SH3BGRL2: variants seen among roughly 807,000 people sequenced by gnomAD.
SH3BGRL2 encodes SH3 domain binding glutamate rich protein like 2.
SH3BGRL2 carries 21 observed loss-of-function variants against 14.8 expected under a neutral mutation model. That is an observed-to-expected ratio of 1.42 (90% CI 1.01 to 2.05). SH3BGRL2 has a LOEUF of 2.05. SH3BGRL2 is among the 30% of genes most tolerant of loss of function. The probability of loss-of-function intolerance (pLI) is 0.00; values close to 1 mark genes in which losing one functional copy is unlikely to be tolerated. For missense variants in SH3BGRL2, 147 were observed against 130.8 expected (o/e 1.12, Z -0.61); for synonymous variants, 50 against 47.8 (o/e 1.05, Z -0.19).
At chr6:79,659,288 T>A (rs1180998489) in intron 1 of SH3BGRL2, among the ~76,000 whole-genome samples, 1 of 152,250 alleles carries the variant, frequency 6.6e-6, no homozygotes, top group Non-Finnish European at 1.5e-5. Flanking sequence ...ATTTAAATAC[T>A]TAATCCATCT....
intron 1 of SH3BGRL2, among the ~76,000 whole-genome samples, chr6:79,635,236 C>T (rs1228952377): frequency 6.6e-6 from 1 of 152,176 alleles, no homozygotes; most frequent in Admixed American, 6.5e-5. Flanking sequence ...AGTTCCTGGG[C>T]TCTGTTAGAG....
At chr6:79,588,413 TAACTCCC>T in the SH3BGRL2 span, among the ~76,000 whole-genome samples, 1 of 152,158 alleles carries the variant, frequency 6.6e-6, no homozygotes. Flanking sequence ...ATCTTGCTGT[TAACTCCC>T]CATCTCAGGT....
chr6:79,581,636 A>G, the SH3BGRL2 span, among the ~76,000 whole-genome samples: 1 of 152,212 alleles, frequency 6.6e-6, no homozygotes, highest in Non-Finnish European at 1.5e-5. Flanking sequence ...GATGGAACAT[A>G]TCTCAAAATA....
Position 79,703,200 on chromosome 6 carries a change from G to A in SH3BGRL2, c.*3691G>A, listed in dbSNP as rs1278810156. On this transcript the variant is annotated 3_prime_UTR_variant, in exon 4 of 4. Transcript: ENST00000369838. ...CTAAAATGTGGTAAGTGTTGTCAGAGCAGGGCAATATCTCTACTCTCAAGT... is the reference window on the plus strand; with the variant it reads ...CTAAAATGTGGTAAGTGTTGTCAGAACAGGGCAATATCTCTACTCTCAAGT... The A allele has an allele frequency of 1.3e-5, 2 of 152,186 alleles. No homozygotes were observed. Among genetic ancestry groups the A allele is most frequent in the Non-Finnish European group, 1.5e-5 (1 of 68,044 alleles). The allele number at this position is 152,186 out of a possible 1,614,324, so 9.4% of individuals were successfully genotyped here. A position where few individuals can be genotyped will look rare whatever the true frequency, so the allele number is the denominator to read the frequency against.
chr6:79,670,442 A>G (rs55895648), intron 1 of SH3BGRL2, among the ~76,000 whole-genome samples: 18,171 of 152,264 alleles, frequency 0.12, 1,238 homozygotes, highest in Non-Finnish European at 0.15. Context: ...CTATGGAGTA[A>G]ATTAAGAAAA....
the SH3BGRL2 span, among the ~76,000 whole-genome samples, chr6:79,583,798 T>TA: frequency 6.6e-6 from 1 of 152,200 alleles, no homozygotes; most frequent in Non-Finnish European, 1.5e-5. Flanking sequence ...TCCATTTTTT[T>TA]AAAAAAGTGG....
chr6:79,570,847 CTG>C, the SH3BGRL2 span, among the ~76,000 whole-genome samples: 1 of 152,166 alleles, frequency 6.6e-6, no homozygotes, highest in Non-Finnish European at 1.5e-5. Flanking sequence ...CTCAAGCACT[CTG>C]TTTTATTTGC....
intron 3 of SH3BGRL2, among the ~76,000 whole-genome samples, chr6:79,698,643 C>T (rs1470776163): frequency 2.0e-5 from 3 of 151,952 alleles, no homozygotes; most frequent in African/African-American, 7.3e-5. Flanking sequence ...TTAGAGGTCT[C>T]TAGATGGTGG....
chr6:79,590,168 T>C, the SH3BGRL2 span, among the ~76,000 whole-genome samples: 1 of 151,852 alleles, frequency 6.6e-6, no homozygotes, highest in African/African-American at 2.4e-5. Flanking sequence ...CTGGCGAGGC[T>C]GTGGAGAAAA....
the SH3BGRL2 span, among the ~76,000 whole-genome samples, chr6:79,557,932 G>A: frequency 6.6e-6 from 1 of 152,194 alleles, no homozygotes; most frequent in African/African-American, 2.4e-5. Context: ...TTATTATTTT[G>A]AACCTCACTG....
chr6:79,585,053 T>TA, the SH3BGRL2 span, among the ~76,000 whole-genome samples: 4,198 of 137,106 alleles, frequency 0.031, 100 homozygotes, highest in Middle Eastern at 0.12. Flanking sequence ...CCTTTTTTTT[T>TA]TAAAAAAAAA....
the SH3BGRL2 span, among the ~76,000 whole-genome samples, chr6:79,584,396 A>C: frequency 2.0e-5 from 3 of 152,122 alleles, no homozygotes; most frequent in African/African-American, 4.8e-5. Flanking sequence ...GATTATTTTA[A>C]TTGTTATTTT....
upstream of SH3BGRL2, among the ~76,000 whole-genome samples, chr6:79,629,818 G>T (rs191174856): frequency 5.1e-4 from 78 of 152,280 alleles, no homozygotes; most frequent in South Asian, 5.2e-3. Flanking sequence ...ACAGAGAAAT[G>T]ACTCGTTCAA....
the SH3BGRL2 span, among the ~76,000 whole-genome samples, chr6:79,577,985 G>A: frequency 3.3e-5 from 5 of 152,244 alleles, no homozygotes; most frequent in African/African-American, 1.2e-4. Context: ...GCCTGGACCG[G>A]TGGGTCCCAG....
At chr6:79,652,791 A>G (rs968741557) in intron 1 of SH3BGRL2, among the ~76,000 whole-genome samples, 1 of 152,130 alleles carries the variant, frequency 6.6e-6, no homozygotes, top group Non-Finnish European at 1.5e-5. Flanking sequence ...ATGTAACACT[A>G]TGTAACGTTC....
At chr6:79,560,479 T>C in the SH3BGRL2 span, among the ~76,000 whole-genome samples, 3 of 152,108 alleles carry the variant, frequency 2.0e-5, no homozygotes, top group African/African-American at 7.2e-5. Context: ...AGTTGGAGGT[T>C]GTAATGTATT....
At chr6:79,545,191 C>G in the SH3BGRL2 span, among the ~76,000 whole-genome samples, 1 of 152,318 alleles carries the variant, frequency 6.6e-6, no homozygotes, top group Middle Eastern at 3.4e-3. Context: ...GAGAGTTCCT[C>G]CCCTTCTCTG....
chr6:79,613,817 A>G, the SH3BGRL2 span, among the ~76,000 whole-genome samples: 1 of 152,158 alleles, frequency 6.6e-6, no homozygotes, highest in Admixed American at 6.5e-5. Context: ...CATGTTGGCC[A>G]GGCTGGTCTT....
the SH3BGRL2 span, among the ~76,000 whole-genome samples, chr6:79,613,040 G>A: frequency 6.6e-6 from 1 of 152,154 alleles, no homozygotes; most frequent in Non-Finnish European, 1.5e-5. Flanking sequence ...GGGGCCCTTG[G>A]GTTGTCCACT....
Sources: gnomAD v4.1 joint callset for allele counts (sites outside exome capture counted in the v4.1 genomes callset) on GRCh38, gnomAD v4.1.1 for gene constraint, MANE v1.5 for transcripts, NCBI Gene and HGNC (gene_info 2026-07-23, HGNC 2026-07-21) for gene names.